The following FZD3 variants were observed in gnomAD, a reference collection of about 807,000 sequenced individuals.
The protein encoded by FZD3 is frizzled-3.
FZD3 carries 30 observed loss-of-function variants against 60.7 expected under a neutral mutation model. That is an observed-to-expected ratio of 0.49 (90% CI 0.37 to 0.67). The LOEUF (loss-of-function observed/expected upper bound fraction) is 0.67. Ranked by LOEUF, FZD3 falls within the 30% of genes least tolerant of loss-of-function variation. The pLI is 0.00. For synonymous variants in FZD3, 246 were observed against 275.2 expected, an observed-to-expected ratio of 0.89 and a Z score of 1.05; for missense variants, 605 against 838.7, an observed-to-expected ratio of 0.72 and a Z score of 3.44.
chr8:28,544,087 A>G (rs1805239171), intron 5 of FZD3, among the ~76,000 whole-genome samples: 2 of 151,948 alleles, frequency 1.3e-5, no homozygotes, highest in Admixed American at 1.3e-4. Flanking sequence ...ACTCTGCGGT[A>G]AAATAAAATC....
intron 3 of FZD3, among the ~76,000 whole-genome samples, chr8:28,510,158 A>G (rs1232298315): frequency 2.0e-5 from 3 of 151,744 alleles, no homozygotes; most frequent in African/African-American, 7.3e-5. Context: ...TGTCTTCAGG[A>G]GTATGATGAC....
intron 6 of FZD3, among the ~76,000 whole-genome samples, chr8:28,553,508 C>T (rs115410672): frequency 0.019 from 2,830 of 152,274 alleles, 80 homozygotes; most frequent in African/African-American, 0.064. Context: ...ATAAATAATT[C>T]TGTGATAGAG....
chr8:28,560,314 T>C (rs750446208), intron 7 of FZD3, among the ~76,000 whole-genome samples: 15 of 152,318 alleles, frequency 9.8e-5, no homozygotes, highest in Admixed American at 2.0e-4. Flanking sequence ...ACACTGTGTA[T>C]TACAGTCAGT....
intron 5 of FZD3, among the ~76,000 whole-genome samples, chr8:28,547,492 T>C (rs1045046967): frequency 5.9e-5 from 9 of 152,234 alleles, no homozygotes; most frequent in Non-Finnish European, 1.5e-5. Context: ...TTTATGAATT[T>C]ACCTCTCCAT....
intron 5 of FZD3, among the ~76,000 whole-genome samples, chr8:28,534,517 C>A (rs1271996730): frequency 6.6e-6 from 1 of 152,164 alleles, no homozygotes; most frequent in Admixed American, 6.5e-5. Context: ...TGCACCACTG[C>A]ACTCCAGCCT....
chr8:28,545,532 C>A (rs769577474), intron 5 of FZD3, among the ~76,000 whole-genome samples: 2 of 152,160 alleles, frequency 1.3e-5, no homozygotes, highest in African/African-American at 4.8e-5. Context: ...AGTCAGCTCC[C>A]GTCTTTTCCA....
At position 28,520,140 on chromosome 8, in the gene FZD3, G is replaced by T. The variant is rs377094252; in HGVS notation, c.190-498G>T. Among the ~76,000 whole-genome samples the T allele has an allele frequency of 3.3e-5, 5 of 150,928 alleles. No individual in the cohort carries two copies. In the South Asian group the frequency reaches 6.3e-4, roughly 19 times the overall value. ...CAGGAGAATTGCTTGAACTTGGGAG[G>T]CAGAGGTTGCAGTGAGCTGAGATCA... On this transcript the variant is annotated intron_variant, in intron 3 of 7. Coordinates refer to ENST00000240093, the MANE Select transcript of FZD3 (RefSeq NM_017412.4).
chr8:28,512,010 T>A (rs1804302966), intron 3 of FZD3, among the ~76,000 whole-genome samples: 1 of 152,232 alleles, frequency 6.6e-6, no homozygotes, highest in Non-Finnish European at 1.5e-5. Context: ...ACCTAAGCTC[T>A]TAATCTCCTA....
chr8:28,527,202 G>A lies in FZD3; in HGVS notation c.442G>A (p.Glu148Lys). 6.2e-7 allele frequency: 1 copy of A among 1,613,756 alleles called. No homozygotes were observed. Among genetic ancestry groups the A allele is most frequent in the Non-Finnish European group, 8.5e-7 (1 of 1,179,810 alleles). The change falls in exon 5 of 8, where the codon GAA becomes AAA. Residue 148 changes from glutamate (E) to lysine (K), a missense_variant. By Grantham distance (56) the Glu-to-Lys change is moderately conservative (BLOSUM62 1). Transcript: ENST00000240093. The surrounding 1 kb of genome is among the most constrained non-coding windows in gnomAD (Gnocchi z 5.0). ...PRLVDLNLAG[E>K]PTEGAPVAVQ... ...ACTTGTGGATCTGAATTTAGCTGGA[G>A]AACCAACTGAAGGAGCCCCAGTGGC...
At chr8:28,531,122 A>G (rs1418499440) in intron 5 of FZD3, among the ~76,000 whole-genome samples, 3 of 152,030 alleles carry the variant, frequency 2.0e-5, no homozygotes, top group Admixed American at 2.0e-4. Flanking sequence ...TCCTTTCCAT[A>G]TTTCCATTCC....
chr8:28,541,153 T>C (rs1271767804), intron 5 of FZD3, among the ~76,000 whole-genome samples: 1 of 152,242 alleles, frequency 6.6e-6, no homozygotes, highest in Non-Finnish European at 1.5e-5. Flanking sequence ...TCTTCTTTGT[T>C]CTTCATTTAT....
At chr8:28,520,605 T>C (rs1585964343) in intron 3 of FZD3, 33 bp from the exon 4 acceptor site, 2 of 1,312,302 alleles carry the variant, frequency 1.5e-6, no homozygotes, top group East Asian at 4.8e-5. Context: ...ATACAGCTCT[T>C]TAACTAATTA....
At chr8:28,558,171 T>G (rs1444417776) in intron 7 of FZD3, among the ~76,000 whole-genome samples, 1 of 152,176 alleles carries the variant, frequency 6.6e-6, no homozygotes, top group Admixed American at 6.5e-5. Context: ...GAAACTATCA[T>G]AGGACTTCAG....
intron 3 of FZD3, among the ~76,000 whole-genome samples, chr8:28,505,643 G>A (rs13250962): frequency 0.53 from 80,569 of 152,076 alleles, 22,144 homozygotes; most frequent in South Asian, 0.64. Flanking sequence ...GAGCCACCGC[G>A]CCTGGCTGGA....
rs575845206 is a variant in FZD3, at chr8:28,567,611, G to C, written c.*4600G>C. On this transcript the variant is annotated 3_prime_UTR_variant, in exon 8 of 8. Coordinates refer to ENST00000240093, the MANE Select transcript of FZD3 (RefSeq NM_017412.4). ...TTTGGTTTTGTTAGAATTTGGGGGG[G>C]CTATAGAAAACAAGGTTACAGTCTT... The C allele has an allele frequency of 6.6e-6, 1 of 152,230 alleles. No individual in the cohort carries two copies. The highest frequency in any genetic ancestry group is 1.9e-4 in the East Asian group (1 of 5,186). The allele number at this position is 152,230 out of a possible 1,614,324, so 9.4% of individuals were successfully genotyped here.
At chr8:28,549,301 G>A (rs528415897) in intron 5 of FZD3, among the ~76,000 whole-genome samples, 5 of 152,134 alleles carry the variant, frequency 3.3e-5, no homozygotes, top group Non-Finnish European at 7.4e-5. Context: ...CTGGGAGTTA[G>A]GGCTTCAACA....
intron 3 of FZD3, among the ~76,000 whole-genome samples, chr8:28,506,253 G>A (rs1313851482): frequency 2.0e-5 from 3 of 152,196 alleles, no homozygotes; most frequent in Non-Finnish European, 4.4e-5. Flanking sequence ...GCTAGGACGG[G>A]AACAGATTAG....
Position 28,573,676 on chromosome 8 carries a change from T to G in FZD3, c.*10665T>G, listed in dbSNP as rs1563414432. 6.6e-6 allele frequency: 1 copy of G among 151,172 alleles called. No individual in the cohort carries two copies. The highest frequency in any genetic ancestry group is 2.4e-5 in the African/African-American group (1 of 41,054). 9.4% of individuals were successfully genotyped at this position (151,172 alleles called of 1,614,324 possible). Reference sequence around the variant, plus strand: ...CAGCTCTTTCTCATTGATACTACCTTTACATATGAATACTATCCATGCTTG... The same window carrying G: ...CAGCTCTTTCTCATTGATACTACCTGTACATATGAATACTATCCATGCTTG... On this transcript the variant is annotated 3_prime_UTR_variant, in exon 8 of 8. Coordinates refer to ENST00000240093, the MANE Select transcript of FZD3 (RefSeq NM_017412.4).
chr8:28,508,188 C>T (rs1431692198), intron 3 of FZD3, among the ~76,000 whole-genome samples: 1 of 152,150 alleles, frequency 6.6e-6, no homozygotes, highest in Admixed American at 6.5e-5. Flanking sequence ...AGCCACTGCG[C>T]CTGGCCCTCT....
Sources: gnomAD v4.1 joint callset for allele counts (sites outside exome capture counted in the v4.1 genomes callset) on GRCh38, gnomAD v4.1.1 for gene constraint, Gnocchi (gnomAD v3.1) non-coding constraint, MANE v1.5 for transcripts, NCBI Gene and HGNC (gene_info 2026-07-23, HGNC 2026-07-21) for gene names.